Variants in CDH4 observed in about 807,000 individuals in gnomAD.
CDH4 encodes cadherin 4, also known as cadherin-4.
Under a neutral mutation model 86.0 loss-of-function variants are expected in CDH4, and 33 were observed. The ratio of observed to expected loss-of-function variants is 0.38; its 90% CI spans 0.29 to 0.51. The LOEUF (loss-of-function observed/expected upper bound fraction) is 0.51, where lower values mean the gene tolerates loss of function less well. Ranked by LOEUF, CDH4 falls within the 20% of genes least tolerant of loss-of-function variation. The pLI is 0.86. For missense variants in CDH4, 1,114 were observed against 1,307.4 expected (o/e 0.85, Z 2.28); for synonymous variants, 555 against 549.4 (o/e 1.01, Z -0.14).
At chr20:61,912,391 T>C (rs1365443093) in intron 9 of CDH4, among the ~76,000 whole-genome samples, 1 of 152,236 alleles carries the variant, frequency 6.6e-6, no homozygotes, top group Non-Finnish European at 1.5e-5. Context: ...TTTTTCCTTT[T>C]CTTAATAACC....
intron 2 of CDH4, among the ~76,000 whole-genome samples, chr20:61,660,077 G>A (rs920827025): frequency 3.9e-5 from 6 of 152,196 alleles, no homozygotes; most frequent in African/African-American, 9.7e-5. Flanking sequence ...CTGCACCAGC[G>A]GTCTTCCACC....
intron 2 of CDH4, chr20:61,435,879 A>C (rs919945865): frequency 8.9e-6 from 1 of 112,122 alleles, no homozygotes; most frequent in East Asian, 1.9e-4. Context: ...CTGTTGGCCC[A>C]TGTGCTGGGG....
chr20:61,849,444 G>C (rs986611459), intron 5 of CDH4, among the ~76,000 whole-genome samples: 4 of 152,228 alleles, frequency 2.6e-5, no homozygotes, highest in African/African-American at 9.6e-5. Context: ...CAGAAGTCCA[G>C]ATGGGCTTGG....
chr20:61,575,349 T>C (rs985627391), intron 2 of CDH4, among the ~76,000 whole-genome samples: 2 of 152,204 alleles, frequency 1.3e-5, no homozygotes, highest in Non-Finnish European at 1.5e-5. Context: ...CCAGGGTATA[T>C]ACTTACGGGT....
rs111910331 is a variant in CDH4, at chr20:61,252,608, C to G, written c.57+38C>G. On this transcript the variant is annotated intron_variant, in intron 1 of 15. Coordinates refer to ENST00000614565, the MANE Select transcript of CDH4 (RefSeq NM_001794.5). This position sits in a 1 kb window ranked among gnomAD's most constrained non-coding sequence, Gnocchi z 4.4. ...CTCCCGCCCCCGCCGTTCGGAAGCC[C>G]CGGGCAGCGGGAGGTCGTCCCCGGA... 109,261 of 1,182,926 alleles carry G rather than the reference C, an allele frequency of 0.092. 5,422 individuals are homozygous for G. The highest frequency in any genetic ancestry group is 0.13 in the Admixed American group (2,865 of 22,526). 73.3% of individuals were successfully genotyped at this position (1,182,926 alleles called of 1,614,324 possible). A position where few individuals can be genotyped will look rare whatever the true frequency, so the allele number is the denominator to read the frequency against.
chr20:61,588,789 C>T (rs535610647), intron 2 of CDH4, among the ~76,000 whole-genome samples: 1 of 152,334 alleles, frequency 6.6e-6, no homozygotes, highest in South Asian at 2.1e-4. Context: ...GAAAAGCCGA[C>T]AAAACCTTGC....
Position 61,768,398 on chromosome 20 carries a change from C to T in CDH4, c.397-4605C>T, listed in dbSNP as rs118142561. 5.0e-3 allele frequency among the ~76,000 whole-genome samples: 766 copies of T among 152,218 alleles called. 3 individuals carry two copies. The highest frequency in any genetic ancestry group is 8.3e-3 in the South Asian group (40 of 4,826). On this transcript the variant is annotated intron_variant, in intron 3 of 15. Coordinates refer to ENST00000614565, the MANE Select transcript of CDH4 (RefSeq NM_001794.5). ...CATGCATGCATACATGTGTGCATAGCGCCTGTATACACATGTGCGCATGTG... is the reference window on the plus strand; with the variant it reads ...CATGCATGCATACATGTGTGCATAGTGCCTGTATACACATGTGCGCATGTG...
At chr20:61,316,330 C>T (rs1404075909) in intron 2 of CDH4, among the ~76,000 whole-genome samples, 3 of 152,222 alleles carry the variant, frequency 2.0e-5, no homozygotes, top group East Asian at 1.9e-4. Context: ...AAAGGCACTG[C>T]GGCCCGCAGA....
intron 2 of CDH4, among the ~76,000 whole-genome samples, chr20:61,525,857 G>A (rs928554192): frequency 4.6e-5 from 7 of 152,110 alleles, no homozygotes; most frequent in African/African-American, 1.2e-4. Flanking sequence ...GCCGGGCACC[G>A]TAAGTCCTGC....
In CDH4 at chr20:61,936,951, C is replaced by T. The variant is rs749129677; in HGVS notation, c.*8C>T. 14 of 1,552,114 alleles carry T rather than the reference C, an allele frequency of 9.0e-6. No homozygotes were observed. The East Asian group carries it at 1.2e-4, about 13-fold the overall frequency. Reference sequence around the variant, plus strand: ...GGTGGTGAAGAGGATTGACTGACCTCGCATCTTCGGACCGAAGTGAGAGCC... The same window carrying T: ...GGTGGTGAAGAGGATTGACTGACCTTGCATCTTCGGACCGAAGTGAGAGCC... On this transcript the variant is annotated 3_prime_UTR_variant, in exon 16 of 16. Transcript: ENST00000614565.
chr20:61,289,152 CGGGGTGCCCCA>C (rs2084308273), intron 2 of CDH4, among the ~76,000 whole-genome samples: 1 of 152,206 alleles, frequency 6.6e-6, no homozygotes, highest in Non-Finnish European at 1.5e-5. Flanking sequence ...CAGAGGAGAA[CGGGGTGCCCCA>C]CTGCACCCTG....
chr20:61,929,614 T>G lies in CDH4; in HGVS notation c.2011T>G (p.Tyr671Asp). Residue 671 changes from tyrosine (Y) to aspartate (D), a missense_variant, in exon 13 of 16, where the codon TAT (tyrosine) becomes GAT (aspartate). This residue lies in a region of CDH4 where 705 missense variants were observed against 914.1 expected (regional missense o/e 0.77). Transcript: ENST00000614565. Reference protein sequence around the residue: ...NWTITRLNGDYAQLSLRILYL... With the variant: ...NWTITRLNGDDAQLSLRILYL... ...TTACTGTTGCTTTGCACCAGGTGAC[T>G]ATGCCCAACTCAGCTTGCGCATCCT... is the stretch of plus-strand genomic sequence containing the variant. 1 of 1,612,856 alleles carries G rather than the reference T, an allele frequency of 6.2e-7. No individual in the cohort carries two copies. The highest frequency in any genetic ancestry group is 8.5e-7 in the Non-Finnish European group (1 of 1,179,062).
At chr20:61,602,648 G>A (rs934030078) in intron 2 of CDH4, among the ~76,000 whole-genome samples, 5 of 137,916 alleles carry the variant, frequency 3.6e-5, no homozygotes, top group Non-Finnish European at 6.1e-5. Flanking sequence ...GCTGCAGCCC[G>A]TTCTCTGCGT....
intron 2 of CDH4, among the ~76,000 whole-genome samples, chr20:61,447,216 G>C (rs2145541625): frequency 6.6e-6 from 1 of 152,170 alleles, no homozygotes; most frequent in East Asian, 1.9e-4. Flanking sequence ...GTGTGCGGTG[G>C]TGCGATCTCA....
At position 61,510,782 on chromosome 20, in the gene CDH4, T is replaced by C. The variant is rs761242654; in HGVS notation, c.170-232781T>C. ...TAAAGAAATACCTGAGACTGGGTAA[T>C]TTATAAAAGAAAGAGGTTTAATTGG... On this transcript the variant is annotated intron_variant, in intron 2 of 15. Coordinates refer to ENST00000614565, the MANE Select transcript of CDH4 (RefSeq NM_001794.5). This position sits in a 1 kb window ranked among gnomAD's most constrained non-coding sequence, Gnocchi z 4.2. Among the ~76,000 whole-genome samples, 34 of 151,010 alleles carry C rather than the reference T, an allele frequency of 2.3e-4. No homozygotes were observed. Among genetic ancestry groups the C allele is most frequent in the Non-Finnish European group, 3.8e-4 (26 of 68,016 alleles).
intron 2 of CDH4, among the ~76,000 whole-genome samples, chr20:61,355,319 T>C (rs1158277859): frequency 6.6e-6 from 1 of 152,134 alleles, no homozygotes; most frequent in African/African-American, 2.4e-5. Flanking sequence ...CACAAAACTG[T>C]GGACTTAGAG....
intron 2 of CDH4, among the ~76,000 whole-genome samples, chr20:61,371,468 T>C (rs1171330450): frequency 1.3e-5 from 2 of 152,214 alleles, no homozygotes; most frequent in Non-Finnish European, 2.9e-5. Flanking sequence ...CCCTGCCAGC[T>C]CTCAGTGCCA....
At chr20:61,696,364 T>C (rs2087714844) in intron 2 of CDH4, among the ~76,000 whole-genome samples, 1 of 152,134 alleles carries the variant, frequency 6.6e-6, no homozygotes, top group South Asian at 2.1e-4. Context: ...CAGGAGGAAC[T>C]GGGAGGCAGG....
chr20:61,762,968 T>C (rs143983032), intron 3 of CDH4, among the ~76,000 whole-genome samples: 3 of 152,316 alleles, frequency 2.0e-5, no homozygotes, highest in African/African-American at 4.8e-5. Flanking sequence ...AACATTCCCA[T>C]AGATGCTTTT....
Sources: allele counts gnomAD v4.1 joint callset (sites outside exome capture counted in the v4.1 genomes callset), GRCh38; gene constraint gnomAD v4.1.1; regional missense constraint gnomAD v4.1.1; non-coding constraint Gnocchi (gnomAD v3.1); transcripts MANE v1.5; gene names NCBI Gene and HGNC (gene_info 2026-07-23, HGNC 2026-07-21).